Variants in BCAR3 observed in about 807,000 individuals in gnomAD.
BCAR3 encodes the protein breast cancer anti-estrogen resistance protein 3.
Under a neutral mutation model 80.1 loss-of-function variants are expected in BCAR3, and 37 were observed. The observed-to-expected ratio is 0.46, with a 90% CI of 0.36 to 0.61. The LOEUF (loss-of-function observed/expected upper bound fraction) is 0.61, where lower values mean the gene tolerates loss of function less well. BCAR3 is among the 20% of genes least tolerant of loss of function. The probability of loss-of-function intolerance (pLI) is 0.00; values close to 1 mark genes in which losing one functional copy is unlikely to be tolerated. For synonymous variants in BCAR3, 389 were observed against 418.9 expected, an observed-to-expected ratio of 0.93 and a Z score of 0.87; for missense variants, 978 against 1,068.2, an observed-to-expected ratio of 0.92 and a Z score of 1.18.
At chr1:93,607,323 T>C (rs1352644315) in intron 3 of BCAR3, among the ~76,000 whole-genome samples, 1 of 151,798 alleles carries the variant, frequency 6.6e-6, no homozygotes, top group Non-Finnish European at 1.5e-5. Flanking sequence ...CGAGGAGGGT[T>C]TTTAACATGG....
intron 2 of BCAR3, among the ~76,000 whole-genome samples, chr1:93,717,657 G>A (rs569443886): frequency 2.0e-5 from 3 of 151,644 alleles, no homozygotes; most frequent in Non-Finnish European, 4.4e-5. Flanking sequence ...GAACCAGGGA[G>A]GTGGAGGTTG....
chr1:93,784,963 G>A (rs1207080971), intron 2 of BCAR3, among the ~76,000 whole-genome samples: 5 of 152,190 alleles, frequency 3.3e-5, no homozygotes, highest in South Asian at 2.1e-4. Flanking sequence ...GCAGTGAAAA[G>A]AGCAAATTTA....
At chr1:93,647,763 G>A (rs1337399240) in intron 2 of BCAR3, among the ~76,000 whole-genome samples, 3 of 151,872 alleles carry the variant, frequency 2.0e-5, no homozygotes, top group Non-Finnish European at 4.4e-5. Context: ...AAGTTCCTAT[G>A]TATTGTTTTC....
chr1:93,768,055 G>C (rs1217297157), intron 2 of BCAR3, among the ~76,000 whole-genome samples: 1 of 152,176 alleles, frequency 6.6e-6, no homozygotes, highest in African/African-American at 2.4e-5. Context: ...CTGTCTTCAG[G>C]CTTTGCCGAG....
Position 93,571,666 on chromosome 1 carries a change from T to C in BCAR3, c.1974+4A>G, listed in dbSNP as rs373789608. The C allele has an allele frequency of 9.3e-6, 15 of 1,613,922 alleles. No individual in the cohort carries two copies. The African/African-American group carries it at 1.6e-4, about 17-fold the overall frequency. ...AAGTACACATAAAGTAATTGGAAAT[T>C]TACCTGTGGCATTTCCAGGGCTTTC... On this transcript the variant is annotated splice_donor_region_variant and intron_variant, in intron 9 of 11. Coordinates refer to ENST00000260502, the MANE Select transcript of BCAR3 (RefSeq NM_003567.4).
At chr1:93,618,351 G>A (rs1675202489) in intron 3 of BCAR3, among the ~76,000 whole-genome samples, 1 of 152,232 alleles carries the variant, frequency 6.6e-6, no homozygotes, top group African/African-American at 2.4e-5. Context: ...TCCTCAAGGG[G>A]ATGAAAGAGT....
chr1:93,713,766 T>C (rs1009933977), intron 2 of BCAR3, among the ~76,000 whole-genome samples: 1 of 152,154 alleles, frequency 6.6e-6, no homozygotes, highest in East Asian at 1.9e-4. Context: ...CACAAAGCAA[T>C]CTTAGAAGTG....
At position 93,699,504 on chromosome 1, in the gene BCAR3, C is replaced by T. The variant is rs115595433; in HGVS notation, c.-12+6588G>A. Reference sequence around the variant, plus strand: ...ACCTCATTAAAGCTGTACCTTGTTGCGGGGGCGGGGGTGGATGGGCAGAAG... The same window carrying T: ...ACCTCATTAAAGCTGTACCTTGTTGTGGGGGCGGGGGTGGATGGGCAGAAG... On this transcript the variant is annotated intron_variant, in intron 3 of 13. Transcript: ENST00000370244. Among the ~76,000 whole-genome samples, 649 of 151,136 alleles carry T rather than the reference C, an allele frequency of 4.3e-3. 3 individuals are homozygous for T. The highest frequency in any genetic ancestry group is 0.014 in the Middle Eastern group (4 of 294).
intron 2 of BCAR3, chr1:93,845,502 A>ATATATATCTCTCATGTTGTCAAG: frequency 8.8e-6 from 1 of 113,822 alleles, no homozygotes; most frequent in Non-Finnish European, 1.8e-5. Flanking sequence ...ATATATATAT[A>ATATATATCTCTCATGTTGTCAAG]AAACTTTGTT....
chr1:93,663,572 T>C (rs1219699201), intron 2 of BCAR3, among the ~76,000 whole-genome samples: 2 of 152,192 alleles, frequency 1.3e-5, no homozygotes, highest in African/African-American at 4.8e-5. Context: ...ATACCGTGGA[T>C]GAGAAATTAG....
intron 3 of BCAR3, among the ~76,000 whole-genome samples, chr1:93,636,149 C>T (rs1675773013): frequency 6.6e-6 from 1 of 152,182 alleles, no homozygotes; most frequent in Non-Finnish European, 1.5e-5. Context: ...CTAGAAGACC[C>T]TTGGGGAAGG....
At chr1:93,587,701 C>CAAAAA (rs71586802) in intron 5 of BCAR3, among the ~76,000 whole-genome samples, 10 of 143,254 alleles carry the variant, frequency 7.0e-5, no homozygotes, top group Middle Eastern at 3.4e-3. Context: ...ACCCCCCCGC[C>CAAAAA]AAAAAAAAAA....
intron 3 of BCAR3, among the ~76,000 whole-genome samples, chr1:93,702,189 C>T (rs113619930): frequency 0.015 from 2,358 of 152,272 alleles, 48 homozygotes; most frequent in African/African-American, 0.046. Flanking sequence ...TTGCAGCAGG[C>T]CCCTTCCTGA....
intron 3 of BCAR3, among the ~76,000 whole-genome samples, chr1:93,600,366 G>A (rs562250660): frequency 2.0e-5 from 3 of 152,348 alleles, no homozygotes; most frequent in African/African-American, 7.2e-5. Context: ...GATGCAAACA[G>A]GAAGCGTCCC....
chr1:93,642,452 GC>G, intron 2 of BCAR3, 109 bp from the exon 3 acceptor site: 1 of 1,084,948 alleles, frequency 9.2e-7, no homozygotes, highest in Non-Finnish European at 1.4e-6. Flanking sequence ...ACTAAGCTGG[GC>G]CCCATCTCCC....
intron 3 of BCAR3, among the ~76,000 whole-genome samples, chr1:93,633,082 G>C (rs115078067): frequency 0.013 from 1,940 of 152,228 alleles, 27 homozygotes; most frequent in Non-Finnish European, 0.019. Context: ...AAAAATAGGT[G>C]GTGGGCTAGA....
At chr1:93,653,960 C>T (rs1344947156) in intron 2 of BCAR3, among the ~76,000 whole-genome samples, 3 of 152,178 alleles carry the variant, frequency 2.0e-5, no homozygotes, top group Non-Finnish European at 4.4e-5. Context: ...ATACCTTCTG[C>T]ATCTCGCCAG....
At chr1:93,661,437 C>T (rs767937119) in intron 2 of BCAR3, among the ~76,000 whole-genome samples, 5 of 151,556 alleles carry the variant, frequency 3.3e-5, no homozygotes, top group Non-Finnish European at 5.9e-5. Context: ...CAGCCTTGGC[C>T]TCTCAAAATG....
At chr1:93,637,860 T>G (rs1198963384) in intron 3 of BCAR3, among the ~76,000 whole-genome samples, 1 of 152,122 alleles carries the variant, frequency 6.6e-6, no homozygotes, top group Non-Finnish European at 1.5e-5. Flanking sequence ...AAACGTAAGC[T>G]AGAAGGAACA....
Sources: gnomAD v4.1 joint callset for allele counts (sites outside exome capture counted in the v4.1 genomes callset) on GRCh38, gnomAD v4.1.1 for gene constraint, MANE v1.5 for transcripts, NCBI Gene and HGNC (gene_info 2026-07-23, HGNC 2026-07-21) for gene names.